The following PI4KA variants were observed in gnomAD, a reference collection of about 807,000 sequenced individuals.
PI4KA encodes the protein PI4-kinase alpha.
PI4KA carries 122 observed loss-of-function variants against 271.4 expected under a neutral mutation model. That is an observed-to-expected ratio of 0.45 (90% CI 0.39 to 0.52). The LOEUF (loss-of-function observed/expected upper bound fraction) is 0.52. Ranked by LOEUF, PI4KA falls within the 20% of genes least tolerant of loss-of-function variation. PI4KA has a pLI of 0.00. For missense variants in PI4KA, 1,969 were observed against 2,769.1 expected (o/e 0.71, Z 6.48); for synonymous variants, 1,041 against 1,078.8 (o/e 0.96, Z 0.69).
In PI4KA at chr22:20,836,341, A is replaced by G. The variant is rs191149841; in HGVS notation, c.274-1686T>C. ...TCTGGGGGGACTTTGTTATACCATA[A>G]TAGATAACTAAAAACAAAGAACTTT... On this transcript the variant is annotated intron_variant, in intron 2 of 54. Transcript: ENST00000255882. Among the ~76,000 whole-genome samples, 7 of 152,336 alleles carry G rather than the reference A, an allele frequency of 4.6e-5. No individual in the cohort carries two copies. The East Asian group carries it at 1.4e-3, about 29-fold the overall frequency.
Position 20,733,880 on chromosome 22 carries a change from C to T in PI4KA, c.4053-37G>A. 1.9e-6 allele frequency: 3 copies of T among 1,611,988 alleles called. No individual in the cohort carries two copies. In the South Asian group the frequency reaches 3.3e-5, roughly 18 times the overall value. ...CCCCGGACCCAGTTAGAGCAGGAGC[C>T]TGGCCTGGGGCCAAGTTCACCTTAT... On this transcript the variant is annotated intron_variant, in intron 34 of 54. Transcript: ENST00000255882.
chr22:20,747,840 T>C, intron 28 of PI4KA, 138 bp from the exon 29 acceptor site: 1 of 762,258 alleles, frequency 1.3e-6, no homozygotes, highest in South Asian at 1.9e-5. Flanking sequence ...ACTCAAGCCA[T>C]CCTCCCGCCT....
At chr22:20,747,463 A>G in intron 29 of PI4KA, 120 bp downstream of exon 29, 1 of 1,050,356 alleles carries the variant, frequency 9.5e-7, no homozygotes, top group Non-Finnish European at 1.4e-6. Context: ...ACAGACATCC[A>G]CAGCACCCTG....
At position 20,765,175 on chromosome 22, in the gene PI4KA, G is replaced by C; in HGVS notation, c.2499C>G (p.Leu833=). Residue 833 remains leucine (L), a synonymous_variant, in exon 21 of 55, where the codon CTC becomes CTG. Coordinates refer to ENST00000255882, the MANE Select transcript of PI4KA (RefSeq NM_058004.4). ...GCAGTGGCTCCTTGCTGGGAAAGGT[G>C]AGCAAGGGGGACTTAGTGGCTATTT... ...VCEIATKSPL[L]TFPSKEPLRS... The C allele has an allele frequency of 1.2e-6, 2 of 1,613,436 alleles. No homozygotes were observed. Among genetic ancestry groups the C allele is most frequent in the South Asian group, 2.2e-5 (2 of 91,068 alleles).
chr22:20,799,090 T>C lies in PI4KA; in HGVS notation c.2004+3A>G. 4.3e-6 allele frequency: 7 copies of C among 1,612,734 alleles called. No homozygotes were observed. The highest frequency in any genetic ancestry group is 5.9e-6 in the Non-Finnish European group (7 of 1,179,386). On this transcript the variant is annotated splice_donor_region_variant and intron_variant, in intron 16 of 54. Coordinates refer to ENST00000255882, the MANE Select transcript of PI4KA (RefSeq NM_058004.4). ...GTGGTGTTCTGGCTCTGGCCTCCCT[T>C]ACATTTCCGGTGATAACCAGGCAGC...
intron 42 of PI4KA, chr22:20,725,672 A>G (rs1250408780): frequency 2.8e-6 from 1 of 358,518 alleles, no homozygotes; most frequent in Non-Finnish European, 6.0e-6. Context: ...AGGTGGGCAG[A>G]TTGCCTGAGC....
chr22:20,765,374 CTGACT>C, intron 20 of PI4KA, 138 bp from the exon 21 acceptor site: 6 of 957,080 alleles, frequency 6.3e-6, no homozygotes, highest in Non-Finnish European at 6.3e-6. Context: ...AGTCTGTTAC[CTGACT>C]TGGACAGACT....
chr22:20,717,352 G>C (rs71312784), intron 45 of PI4KA, among the ~76,000 whole-genome samples: 11,683 of 115,230 alleles, frequency 0.1, 397 homozygotes, highest in African/African-American at 0.11. Flanking sequence ...CACCTGAGCC[G>C]TCCCACACTG....
intron 42 of PI4KA, 28 bp from the exon 43 acceptor site, chr22:20,721,446 C>T (rs202112909): frequency 1.2e-4 from 200 of 1,611,332 alleles, no homozygotes; most frequent in Middle Eastern, 9.6e-4. Flanking sequence ...CCCTGTCAGC[C>T]AGGCTCGGCC....
intron 1 of PI4KA, among the ~76,000 whole-genome samples, chr22:20,848,237 CAAAA>C (rs60503165): frequency 2.0e-4 from 10 of 51,244 alleles, no homozygotes; most frequent in South Asian, 7.5e-4. Context: ...GACTCCATCT[CAAAA>C]AAAAAAAAAA....
rs556824755 is a variant in PI4KA, at chr22:20,772,392, T to C, written c.2329-6699A>G. Among the ~76,000 whole-genome samples the C allele has an allele frequency of 5.5e-4, 83 of 152,122 alleles. 1 individual carries two copies. The highest frequency in any genetic ancestry group is 9.6e-4 in the Non-Finnish European group (65 of 67,992). On this transcript the variant is annotated intron_variant, in intron 19 of 54. Transcript: ENST00000255882. Reference sequence around the variant, plus strand: ...AGAACAAGACAGAGAATGAGGGAGGTGGGCCCACGAGGAGTGTGGGCACAG... The same window carrying C: ...AGAACAAGACAGAGAATGAGGGAGGCGGGCCCACGAGGAGTGTGGGCACAG...
chr22:20,857,591 G>A (rs1927759187), intron 1 of PI4KA, among the ~76,000 whole-genome samples: 1 of 152,230 alleles, frequency 6.6e-6, no homozygotes, highest in Non-Finnish European at 1.5e-5. Flanking sequence ...ACACTGTGCT[G>A]AGTCTCATCG....
At chr22:20,820,158 C>A (rs371339285) in intron 5 of PI4KA, among the ~76,000 whole-genome samples, 3 of 152,152 alleles carry the variant, frequency 2.0e-5, no homozygotes, top group African/African-American at 4.8e-5. Flanking sequence ...TCATGGCACA[C>A]CCAAATCAAT....
intron 35 of PI4KA, among the ~76,000 whole-genome samples, chr22:20,733,519 A>G (rs561470132): frequency 6.7e-6 from 1 of 149,694 alleles, no homozygotes; most frequent in Non-Finnish European, 1.5e-5. Context: ...ATTTGCCTAC[A>G]TCTCGCTGGG....
intron 23 of PI4KA, among the ~76,000 whole-genome samples, chr22:20,756,604 T>C (rs1442183983): frequency 1.3e-5 from 2 of 151,858 alleles, no homozygotes; most frequent in African/African-American, 4.8e-5. Flanking sequence ...TGCCAATCAA[T>C]GTCATGTAGT....
chr22:20,857,562 T>C (rs1340390080), intron 1 of PI4KA, among the ~76,000 whole-genome samples: 2 of 152,118 alleles, frequency 1.3e-5, no homozygotes, highest in African/African-American at 4.8e-5. Flanking sequence ...GGAAAATAAT[T>C]CCATCCTTTC....
intron 1 of PI4KA, among the ~76,000 whole-genome samples, chr22:20,852,454 G>A (rs936865701): frequency 6.6e-6 from 1 of 152,298 alleles, no homozygotes; most frequent in African/African-American, 2.4e-5. Context: ...CTTCCAGAAT[G>A]AGGAGGAAAT....
chr22:20,751,710 C>G lies in PI4KA; in HGVS notation c.3033G>C (p.Leu1011=), dbSNP rs11552980. ...ACAGTGACAGGGTCTGCAGGATGTCCAGCATGGTCTTCAGCACAGTCCCGC... is the reference window on the plus strand; with the variant it reads ...ACAGTGACAGGGTCTGCAGGATGTCGAGCATGGTCTTCAGCACAGTCCCGC... ...LWSGTVLKTM[L]DILQTLSLSL... is the part of the protein sequence containing the mutation. Residue 1011 remains leucine (L), a synonymous_variant, in exon 26 of 55, where the codon CTG becomes CTC. Transcript: ENST00000255882. 969 of 1,614,116 alleles carry G rather than the reference C, an allele frequency of 6.0e-4. 1 individual carries two copies. In the African/African-American group the frequency reaches 0.011, roughly 19 times the overall value.
At chr22:20,714,214 G>A (rs1264642560) in intron 47 of PI4KA, among the ~76,000 whole-genome samples, 2 of 151,812 alleles carry the variant, frequency 1.3e-5, no homozygotes, top group African/African-American at 2.4e-5. Context: ...CTCAGCCTCA[G>A]GAAGGAGCCT....
Sources: allele counts gnomAD v4.1 joint callset (sites outside exome capture counted in the v4.1 genomes callset), GRCh38; gene constraint gnomAD v4.1.1; transcripts MANE v1.5; gene names NCBI Gene and HGNC (gene_info 2026-07-23, HGNC 2026-07-21).